The following EYA4 variants were observed in gnomAD, a reference collection of about 807,000 sequenced individuals.
EYA4 encodes the protein EYA transcriptional coactivator and phosphatase 4, also known as protein phosphatase EYA4.
A neutral mutation model predicts 87.9 loss-of-function variants in EYA4; 31 were observed. The ratio of observed to expected loss-of-function variants is 0.35; its 90% confidence interval spans 0.27 to 0.48. EYA4 has a LOEUF of 0.48. Ranked by LOEUF, EYA4 falls within the 20% of genes least tolerant of loss-of-function variation. The probability of loss-of-function intolerance (pLI) is 0.99; values close to 1 mark genes in which losing one functional copy is unlikely to be tolerated. For synonymous variants in EYA4, 263 were observed against 270.6 expected, an observed-to-expected ratio of 0.97 and a Z score of 0.28; for missense variants, 678 against 761.4, an observed-to-expected ratio of 0.89 and a Z score of 1.29.
intron 2 of EYA4, among the ~76,000 whole-genome samples, chr6:133,372,148 A>G (rs1050643100): frequency 6.6e-6 from 1 of 152,120 alleles, no homozygotes; most frequent in African/African-American, 2.4e-5. Flanking sequence ...TATAAAAATT[A>G]TTGTAATAAA....
chr6:133,527,439 G>A (rs753162512), intron 19 of EYA4, among the ~76,000 whole-genome samples: 3 of 152,350 alleles, frequency 2.0e-5, no homozygotes, highest in East Asian at 1.9e-4. Context: ...AGCTGTATAT[G>A]TAGTTTGAAA....
chr6:133,375,602 G>A (rs1562346663), intron 2 of EYA4, among the ~76,000 whole-genome samples: 1 of 151,556 alleles, frequency 6.6e-6, no homozygotes, highest in Non-Finnish European at 1.5e-5. Flanking sequence ...ATAATCTAGG[G>A]CAGCCCATTA....
intron 3 of EYA4, among the ~76,000 whole-genome samples, chr6:133,430,772 C>T (rs930452987): frequency 4.6e-5 from 7 of 152,152 alleles, no homozygotes; most frequent in Non-Finnish European, 1.0e-4. Flanking sequence ...TCATTGAGCA[C>T]TTATTATGTG....
intron 2 of EYA4, among the ~76,000 whole-genome samples, chr6:133,314,355 C>T (rs1780466355): frequency 6.6e-6 from 1 of 152,060 alleles, no homozygotes. Context: ...TTTAGAAAGA[C>T]CATTTAAATA....
chr6:133,438,673 C>G (rs1225776427), intron 3 of EYA4, among the ~76,000 whole-genome samples: 1 of 151,912 alleles, frequency 6.6e-6, no homozygotes, highest in Non-Finnish European at 1.5e-5. Context: ...GCCATGTTTT[C>G]TTCACTCAGC....
intron 11 of EYA4, 137 bp from the exon 12 acceptor site, chr6:133,481,326 G>A (rs981711332): frequency 1.3e-5 from 11 of 815,504 alleles, no homozygotes; most frequent in Non-Finnish European, 2.1e-5. Flanking sequence ...ACTTGTGTGT[G>A]CTTGGGATTA....
intron 13 of EYA4, among the ~76,000 whole-genome samples, chr6:133,496,159 A>G (rs1797632007): frequency 6.6e-6 from 1 of 152,200 alleles, no homozygotes; most frequent in Non-Finnish European, 1.5e-5. Flanking sequence ...TTGCATTGCT[A>G]ATAACAAAAG....
At chr6:133,293,722 G>T (rs902108176) in intron 2 of EYA4, among the ~76,000 whole-genome samples, 1 of 151,842 alleles carries the variant, frequency 6.6e-6, no homozygotes, top group Non-Finnish European at 1.5e-5. Flanking sequence ...GATTTCTTGA[G>T]CCCAGGGGTT....
intron 3 of EYA4, among the ~76,000 whole-genome samples, chr6:133,389,261 A>G (rs1787048197): frequency 6.6e-6 from 1 of 152,194 alleles, no homozygotes; most frequent in South Asian, 2.1e-4. Context: ...CTTTAAGTGG[A>G]GTGGCTGCCA....
intron 2 of EYA4, among the ~76,000 whole-genome samples, chr6:133,322,010 C>T (rs1781129900): frequency 1.3e-5 from 2 of 152,148 alleles, no homozygotes; most frequent in Non-Finnish European, 2.9e-5. Context: ...AGCCCTATGA[C>T]TTTGTATATT....
At chr6:133,476,937 A>AG (rs1044205573) in intron 11 of EYA4, among the ~76,000 whole-genome samples, 1 of 152,054 alleles carries the variant, frequency 6.6e-6, no homozygotes, top group Non-Finnish European at 1.5e-5. Flanking sequence ...TAATTGAATC[A>AG]GGGGGGCAGT....
At chr6:133,361,291 A>G (rs552182053) in intron 2 of EYA4, among the ~76,000 whole-genome samples, 2 of 152,308 alleles carry the variant, frequency 1.3e-5, no homozygotes, top group Admixed American at 1.3e-4. Context: ...TTTCTTTGGA[A>G]CCAAGGGCAG....
chr6:133,530,373 G>A lies in EYA4; in HGVS notation c.*1568G>A, dbSNP rs553476791. On this transcript the variant is annotated 3_prime_UTR_variant, in exon 20 of 20. Transcript: ENST00000355286. ...TGTGTGTAGCCCATGTTGGGAACAC[G>A]ATACAGGTTCTCCTCTTATTTCCTA... is the stretch of plus-strand genomic sequence containing the variant. The A allele has an allele frequency of 5.1e-6, 5 of 985,258 alleles. No homozygotes were observed. Among genetic ancestry groups the A allele is most frequent in the East Asian group, 2.3e-4 (2 of 8,824 alleles). The allele number at this position is 985,258 out of a possible 1,614,324, so 61.0% of individuals were successfully genotyped here.
chr6:133,438,597 G>A (rs1791939301), intron 3 of EYA4, among the ~76,000 whole-genome samples: 1 of 151,582 alleles, frequency 6.6e-6, no homozygotes, highest in African/African-American at 2.4e-5. Context: ...GACGCTTACT[G>A]TACTTTAATT....
intron 2 of EYA4, among the ~76,000 whole-genome samples, chr6:133,346,068 C>A (rs1378524061): frequency 6.6e-6 from 1 of 152,160 alleles, no homozygotes; most frequent in Admixed American, 6.5e-5. Context: ...TCCCTATATG[C>A]CATCTGTGGG....
chr6:133,287,536 G>A (rs1424982999), intron 2 of EYA4, among the ~76,000 whole-genome samples: 1 of 149,636 alleles, frequency 6.7e-6, no homozygotes, highest in Non-Finnish European at 1.5e-5. Flanking sequence ...GAGAAGCACT[G>A]AGACTAGACT....
chr6:133,507,558 G>C (rs1798755317), intron 14 of EYA4, among the ~76,000 whole-genome samples: 1 of 151,934 alleles, frequency 6.6e-6, no homozygotes, highest in Non-Finnish European at 1.5e-5. Flanking sequence ...CCAGTGTGTG[G>C]TGTTCCCCTC....
At chr6:133,293,198 C>G (rs1778629034) in intron 2 of EYA4, among the ~76,000 whole-genome samples, 1 of 152,124 alleles carries the variant, frequency 6.6e-6, no homozygotes, top group Non-Finnish European at 1.5e-5. Context: ...CCCTCACCAT[C>G]CAATGTATGC....
chr6:133,422,871 T>G (rs1288220023), intron 3 of EYA4, among the ~76,000 whole-genome samples: 1 of 152,214 alleles, frequency 6.6e-6, no homozygotes, highest in Non-Finnish European at 1.5e-5. Flanking sequence ...CTGTAAGGGC[T>G]TCCTGTCTTC....
Sources: gnomAD v4.1 joint callset for allele counts (sites outside exome capture counted in the v4.1 genomes callset) on GRCh38, gnomAD v4.1.1 for gene constraint, MANE v1.5 for transcripts, NCBI Gene and HGNC (gene_info 2026-07-23, HGNC 2026-07-21) for gene names.